The following RAB33B variants were observed in gnomAD, a reference collection of about 807,000 sequenced individuals.
RAB33B encodes RAB33B, member RAS oncogene family.
RAB33B carries 6 observed loss-of-function variants against 15.0 expected under a neutral mutation model. The ratio of observed to expected loss-of-function variants is 0.40; its 90% confidence interval spans 0.22 to 0.79. The LOEUF is 0.79. RAB33B is among the 30% of genes least tolerant of loss of function. RAB33B has a pLI of 0.37. For missense variants in RAB33B, 257 were observed against 296.4 expected (o/e 0.87, Z 0.98); for synonymous variants, 117 against 108.3 (o/e 1.08, Z -0.50).
the RAB33B span, among the ~76,000 whole-genome samples, chr4:139,442,145 G>A: frequency 0.14 from 20,866 of 151,990 alleles, 1,759 homozygotes; most frequent in Non-Finnish European, 0.19. Flanking sequence ...TATTTTTAGT[G>A]CTGTTAACAG....
At chr4:139,440,615 ATT>A in the RAB33B span, among the ~76,000 whole-genome samples, 1 of 144,788 alleles carries the variant, frequency 6.9e-6, no homozygotes, top group Non-Finnish European at 1.5e-5. Context: ...AAATTGACCA[ATT>A]TTTTTTTTTT....
chr4:139,442,435 T>G, the RAB33B span, among the ~76,000 whole-genome samples: 1 of 152,170 alleles, frequency 6.6e-6, no homozygotes, highest in Non-Finnish European at 1.5e-5. Flanking sequence ...TATTGAAGGA[T>G]GCAAAGTATT....
At chr4:139,447,604 A>G in the RAB33B span, among the ~76,000 whole-genome samples, 1 of 151,052 alleles carries the variant, frequency 6.6e-6, no homozygotes, top group South Asian at 2.1e-4. Flanking sequence ...GAAGGGAGTT[A>G]CAGTGTTGGC....
rs79691551 is a variant in RAB33B at position 139,457,460 on chromosome 4, G to A, written c.249+3016G>A. Among the ~76,000 whole-genome samples the A allele has an allele frequency of 1.6e-3, 238 of 152,130 alleles. No individual in the cohort carries two copies. In the East Asian group the frequency reaches 0.019, roughly 12 times the overall value. On this transcript the variant is annotated intron_variant, in intron 1 of 1. Transcript: ENST00000305626. ...TAAAGCCTGGTGTTGTATTTAATCCGGCCTCCCATTAGAGGTCAGCAGGTC... is the reference window on the plus strand; with the variant it reads ...TAAAGCCTGGTGTTGTATTTAATCCAGCCTCCCATTAGAGGTCAGCAGGTC...
chr4:139,452,900 A>G (rs901395533), upstream of RAB33B: 9 of 152,226 alleles, frequency 5.9e-5, no homozygotes, highest in African/African-American at 2.2e-4. Flanking sequence ...TGACTTTCCC[A>G]ATGGCATATT....
chr4:139,465,123 A>C (rs1041725172), intron 1 of RAB33B, among the ~76,000 whole-genome samples: 4 of 152,204 alleles, frequency 2.6e-5, no homozygotes, highest in Non-Finnish European at 4.4e-5. Flanking sequence ...TTTGATTTGC[A>C]TTTCTCTGAT....
At chr4:139,465,911 A>G (rs1202014205) in intron 1 of RAB33B, among the ~76,000 whole-genome samples, 1 of 151,032 alleles carries the variant, frequency 6.6e-6, no homozygotes, top group Non-Finnish European at 1.5e-5. Context: ...TTTTTTTTTA[A>G]GAGACGAGGT....
intron 1 of RAB33B, among the ~76,000 whole-genome samples, chr4:139,460,001 G>A (rs752539299): frequency 6.6e-6 from 1 of 152,188 alleles, no homozygotes; most frequent in Non-Finnish European, 1.5e-5. Flanking sequence ...AGAGAGATCA[G>A]TTGGTAGGGT....
At position 139,454,148 on chromosome 4, in the gene RAB33B, C is replaced by G. The variant is rs748718122; in HGVS notation, c.-48C>G. 1 of 1,566,380 alleles carries G rather than the reference C, an allele frequency of 6.4e-7. No homozygotes were observed. Among genetic ancestry groups the G allele is most frequent in the African/African-American group, 1.4e-5 (1 of 73,658 alleles). Reference sequence around the variant, plus strand: ...TCTTGCGGTGGCGTAATCTCTCAGCCTTTCTGTGTCTCCTTTCCTCCGCCT... The same window carrying G: ...TCTTGCGGTGGCGTAATCTCTCAGCGTTTCTGTGTCTCCTTTCCTCCGCCT... On this transcript the variant is annotated 5_prime_UTR_variant, in exon 1 of 2. Coordinates refer to ENST00000305626, the MANE Select transcript of RAB33B (RefSeq NM_031296.3).
Position 139,470,942 on chromosome 4 carries a change from C to T in RAB33B, c.250-1744C>T, listed in dbSNP as rs559990755. On this transcript the variant is annotated intron_variant, in intron 1 of 1. Coordinates refer to ENST00000305626, the MANE Select transcript of RAB33B (RefSeq NM_031296.3). ...CATCCTCCCCACTCTTCCCTCTCCT[C>T]TCCTCTCCTCTCCTCAAATGGAGGG... is the stretch of plus-strand genomic sequence containing the variant. Among the ~76,000 whole-genome samples, 41 of 152,246 alleles carry T rather than the reference C, an allele frequency of 2.7e-4. 1 individual carries two copies. The highest frequency in any genetic ancestry group is 3.4e-3 in the Middle Eastern group (1 of 294).
At chr4:139,440,676 G>C in the RAB33B span, among the ~76,000 whole-genome samples, 3 of 151,694 alleles carry the variant, frequency 2.0e-5, no homozygotes, top group African/African-American at 7.3e-5. Context: ...GCAGTGAGGT[G>C]ATCTTGGCTC....
chr4:139,457,328 A>T (rs1750088152), intron 1 of RAB33B, among the ~76,000 whole-genome samples: 1 of 152,132 alleles, frequency 6.6e-6, no homozygotes, highest in African/African-American at 2.4e-5. Context: ...TTAAATTGAG[A>T]CTCCTAACTC....
At chr4:139,441,855 G>A in the RAB33B span, among the ~76,000 whole-genome samples, 5 of 152,042 alleles carry the variant, frequency 3.3e-5, no homozygotes, top group African/African-American at 9.7e-5. Flanking sequence ...ACAGATTTCT[G>A]GTGCTTCCTA....
chr4:139,448,717 CATA>C (rs1022771280), upstream of RAB33B: 23 of 152,282 alleles, frequency 1.5e-4, no homozygotes, highest in African/African-American at 4.8e-4. Context: ...AGCGCCCGAC[CATA>C]ATATTATTTT....
intron 1 of RAB33B, among the ~76,000 whole-genome samples, chr4:139,461,895 C>T (rs1037868938): frequency 1.8e-4 from 27 of 150,660 alleles, no homozygotes; most frequent in Admixed American, 6.6e-4. Context: ...CAGAGCAAGC[C>T]TCCATCTCAA....
rs1750444997 is a variant in RAB33B at position 139,473,798 on chromosome 4, A to C, written c.*672A>C. ...GTTTTCTGGTTCCCAGTCCATAAAG[A>C]ATGACTTTTCCAAGAGTTCTAGATG... On this transcript the variant is annotated 3_prime_UTR_variant, in exon 2 of 2. Transcript: ENST00000305626. 1 of 152,138 alleles carries C rather than the reference A, an allele frequency of 6.6e-6. No homozygotes were observed. Among genetic ancestry groups the C allele is most frequent in the Admixed American group, 6.6e-5 (1 of 15,266 alleles). The allele number at this position is 152,138 out of a possible 1,614,324, so 9.4% of individuals were successfully genotyped here.
In RAB33B at chr4:139,467,919, AC is replaced by A. The variant is rs1750320234; in HGVS notation, c.250-4764del. Reference sequence around the variant, plus strand: ...TATACAATTATTGTTGACTATAGTCACCCTATTGCCTATCAAATAGTAGGTC... The same window carrying A: ...TATACAATTATTGTTGACTATAGTCACCTATTGCCTATCAAATAGTAGGTC... On this transcript the variant is annotated intron_variant, in intron 1 of 1. Coordinates refer to ENST00000305626, the MANE Select transcript of RAB33B (RefSeq NM_031296.3). Among the ~76,000 whole-genome samples the A allele has an allele frequency of 2.7e-5, 4 of 149,728 alleles. No homozygotes were observed. The South Asian group carries it at 8.4e-4, about 31-fold the overall frequency.
chr4:139,461,184 CAG>C (rs375668414), intron 1 of RAB33B, among the ~76,000 whole-genome samples: 2 of 152,174 alleles, frequency 1.3e-5, no homozygotes, highest in Admixed American at 6.5e-5. Flanking sequence ...ATGGTAGTGA[CAG>C]GGAGTGTGGG....
At chr4:139,439,950 G>T in the RAB33B span, among the ~76,000 whole-genome samples, 1 of 151,756 alleles carries the variant, frequency 6.6e-6, no homozygotes, top group African/African-American at 2.4e-5. Context: ...AATTCCTTTT[G>T]TTTTTTGAGT....
Sources: gnomAD v4.1 joint callset for allele counts (sites outside exome capture counted in the v4.1 genomes callset) on GRCh38, gnomAD v4.1.1 for gene constraint, MANE v1.5 for transcripts, NCBI Gene and HGNC (gene_info 2026-07-23, HGNC 2026-07-21) for gene names.